Variants in CSMD1 observed in about 807,000 individuals in gnomAD.
The protein encoded by CSMD1 is CUB and sushi domain-containing protein 1.
CSMD1 carries 213 observed loss-of-function variants against 417.5 expected under a neutral mutation model. The observed-to-expected ratio is 0.51, with a 90% CI of 0.46 to 0.57. CSMD1 has a LOEUF of 0.57. Ranked by LOEUF, CSMD1 falls within the 20% of genes least tolerant of loss-of-function variation. The pLI is 0.00. For missense variants in CSMD1, 6,923 were observed against 4,529.7 expected (o/e 1.53, Z -15.17); for synonymous variants, 2,862 against 1,736.8 (o/e 1.65, Z -16.11).
chr8:3,614,406 C>G (rs1014420447), intron 8 of CSMD1, among the ~76,000 whole-genome samples: 2 of 151,994 alleles, frequency 1.3e-5, no homozygotes, highest in Admixed American at 6.6e-5. Context: ...GAATTTAAAC[C>G]TCTTCTTCAG....
intron 5 of CSMD1, among the ~76,000 whole-genome samples, chr8:3,758,899 G>T (rs931178): frequency 0.069 from 10,562 of 152,206 alleles, 382 homozygotes; most frequent in East Asian, 0.094. Context: ...GGAAGACAGA[G>T]GCAGGAGGAC....
chr8:3,454,571 A>G (rs1170847549), intron 12 of CSMD1, among the ~76,000 whole-genome samples: 1 of 152,178 alleles, frequency 6.6e-6, no homozygotes, highest in African/African-American at 2.4e-5. Context: ...TTCACTTAAG[A>G]AACTTAGTTT....
intron 2 of CSMD1, among the ~76,000 whole-genome samples, chr8:4,533,886 T>A (rs953481008): frequency 6.7e-6 from 1 of 149,592 alleles, no homozygotes; most frequent in African/African-American, 2.4e-5. Context: ...TAAATAAATA[T>A]ATGTAATTCA....
chr8:4,211,710 C>T (rs1003009263), intron 3 of CSMD1, among the ~76,000 whole-genome samples: 21 of 152,168 alleles, frequency 1.4e-4, no homozygotes, highest in African/African-American at 4.8e-4. Context: ...CATGAAGCAA[C>T]CTGACTTTGC....
At position 3,189,003 on chromosome 8, in the gene CSMD1, T is replaced by C. The variant is rs763950061; in HGVS notation, c.5407A>G (p.Ser1803Gly). Reference protein sequence around the residue: ...DTIPSCVVPCSGNFTQRRGTI... With the variant: ...DTIPSCVVPCGGNFTQRRGTI... ...CCTCTTCGTTGAGTGAAATTGCCAC[T>C]GCAGGGTACTAAAAGACACAACCAT... is the stretch of plus-strand genomic sequence containing the variant. The change falls in exon 35 of 70, where the codon AGT becomes GGT. Residue 1803 changes from serine (S) to glycine (G), a missense_variant. Ser to Gly is a moderately conservative substitution (Grantham distance 56, BLOSUM62 0). Transcript: ENST00000635120. 1.2e-6 allele frequency: 2 copies of C among 1,612,580 alleles called. No homozygotes were observed. The highest frequency in any genetic ancestry group is 1.3e-5 in the African/African-American group (1 of 74,888).
chr8:3,744,191 G>A (rs570737877), intron 6 of CSMD1, among the ~76,000 whole-genome samples: 1 of 152,200 alleles, frequency 6.6e-6, no homozygotes, highest in Admixed American at 6.5e-5. Flanking sequence ...GCGGGAGTGG[G>A]AGTTGAGGAC....
intron 12 of CSMD1, among the ~76,000 whole-genome samples, chr8:3,456,580 G>A (rs1816157290): frequency 6.6e-6 from 1 of 152,122 alleles, no homozygotes; most frequent in African/African-American, 2.4e-5. Context: ...TTCCTACTAT[G>A]CCAAAACCTA....
chr8:4,565,830 C>T (rs933176984), intron 2 of CSMD1, among the ~76,000 whole-genome samples: 5 of 146,074 alleles, frequency 3.4e-5, no homozygotes, highest in East Asian at 4.0e-4. Context: ...CACACAGACA[C>T]GCACACACAC....
At chr8:4,316,879 A>T (rs879849495) in intron 3 of CSMD1, among the ~76,000 whole-genome samples, 4 of 152,164 alleles carry the variant, frequency 2.6e-5, no homozygotes, top group African/African-American at 9.7e-5. Context: ...GTTATACTCC[A>T]AATCTTGGGG....
intron 1 of CSMD1, among the ~76,000 whole-genome samples, chr8:4,731,713 C>T (rs1267922033): frequency 1.3e-5 from 2 of 152,188 alleles, no homozygotes; most frequent in East Asian, 1.9e-4. Context: ...AATGGGTTCA[C>T]GAGGACCCAG....
intron 11 of CSMD1, among the ~76,000 whole-genome samples, chr8:3,484,412 C>T (rs1203492613): frequency 1.3e-5 from 2 of 152,176 alleles, no homozygotes; most frequent in Admixed American, 6.5e-5. Context: ...CAACCTCTGT[C>T]TCATGCCATA....
chr8:3,016,961 C>G (rs960072649), intron 52 of CSMD1, among the ~76,000 whole-genome samples: 5 of 152,166 alleles, frequency 3.3e-5, no homozygotes, highest in African/African-American at 1.2e-4. Context: ...TATCAGGGAT[C>G]AATAATCCCC....
chr8:3,675,172 C>A (rs1480826789), intron 7 of CSMD1, among the ~76,000 whole-genome samples: 8 of 152,158 alleles, frequency 5.3e-5, no homozygotes, highest in Admixed American at 4.6e-4. Context: ...TGTCTTTCCC[C>A]ACTAGTGGCT....
chr8:4,307,296 A>T (rs1798301745), intron 3 of CSMD1, among the ~76,000 whole-genome samples: 1 of 152,106 alleles, frequency 6.6e-6, no homozygotes, highest in Admixed American at 6.6e-5. Context: ...ATATATATTA[A>T]TCCCCTAGCA....
intron 11 of CSMD1, among the ~76,000 whole-genome samples, chr8:3,491,631 G>GTCC (rs1818387337): frequency 6.6e-6 from 1 of 152,196 alleles, no homozygotes; most frequent in Non-Finnish European, 1.5e-5. Context: ...CCCTGGTGGA[G>GTCC]TCCTCTTCTG....
chr8:4,580,627 C>T (rs934767278), intron 2 of CSMD1, among the ~76,000 whole-genome samples: 2 of 152,090 alleles, frequency 1.3e-5, no homozygotes, highest in Admixed American at 6.5e-5. Context: ...CCTTCTTCTT[C>T]GTGGCATCAC....
intron 1 of CSMD1, among the ~76,000 whole-genome samples, chr8:4,851,860 G>C (rs1425233344): frequency 6.6e-6 from 1 of 152,132 alleles, no homozygotes; most frequent in East Asian, 1.9e-4. Flanking sequence ...ACTAAAATTA[G>C]ATTTCAGAAT....
chr8:3,690,985 G>C (rs908480651), intron 7 of CSMD1, among the ~76,000 whole-genome samples: 2 of 152,162 alleles, frequency 1.3e-5, no homozygotes, highest in Admixed American at 6.5e-5. Flanking sequence ...TTGTGTGTGA[G>C]GGTGGGGAGT....
At chr8:3,226,907 G>T (rs937777948) in intron 27 of CSMD1, among the ~76,000 whole-genome samples, 1 of 150,364 alleles carries the variant, frequency 6.7e-6, no homozygotes, top group Non-Finnish European at 1.5e-5. Context: ...AATCAGGAAA[G>T]AACAAATTCA....
Sources: allele counts gnomAD v4.1 joint callset (sites outside exome capture counted in the v4.1 genomes callset), GRCh38; gene constraint gnomAD v4.1.1; transcripts MANE v1.5; gene names NCBI Gene and HGNC (gene_info 2026-07-23, HGNC 2026-07-21).